Variants in OSBPL8 observed in about 807,000 individuals in gnomAD.
OSBPL8 encodes oxysterol binding protein like 8, also known as oxysterol-binding protein-related protein 8.
In OSBPL8, 59 loss-of-function variants were observed where a neutral mutation model predicts 125.5. The observed-to-expected ratio is 0.47, with a 90% CI of 0.38 to 0.58. The LOEUF is 0.58. OSBPL8 is among the 20% of genes least tolerant of loss of function. The pLI is 0.00. For synonymous variants in OSBPL8, 330 were observed against 338.9 expected, an observed-to-expected ratio of 0.97 and a Z score of 0.29; for missense variants, 758 against 1,047.8, an observed-to-expected ratio of 0.72 and a Z score of 3.82.
At chr12:76,387,419 TAAAA>T (rs1199334533) in intron 12 of OSBPL8, among the ~76,000 whole-genome samples, 1 of 152,194 alleles carries the variant, frequency 6.6e-6, no homozygotes, top group African/African-American at 2.4e-5. Context: ...CCAGAATTAA[TAAAA>T]ACTCAACCAG....
chr12:76,430,342 C>T (rs950261065), intron 4 of OSBPL8, among the ~76,000 whole-genome samples: 2 of 152,190 alleles, frequency 1.3e-5, no homozygotes, highest in African/African-American at 4.8e-5. Flanking sequence ...ACCAGCTCCA[C>T]TCCCACTCAA....
chr12:76,516,231 G>A (rs528068420), intron 1 of OSBPL8, among the ~76,000 whole-genome samples: 1 of 152,272 alleles, frequency 6.6e-6, no homozygotes, highest in East Asian at 1.9e-4. Context: ...ACTCCCATGT[G>A]AAAAGTGCCC....
In OSBPL8 at chr12:76,450,052, CA is replaced by C. The variant is rs1592703578; in HGVS notation, c.217+798del. ...TCACAACAGACTGCAGAAGCAGATA[CA>C]AAAATGCAGGTGTCTTTTAAGCTAG... On this transcript the variant is annotated intron_variant, in intron 4 of 23. Coordinates refer to ENST00000261183, the MANE Select transcript of OSBPL8 (RefSeq NM_020841.5). 2.0e-5 allele frequency among the ~76,000 whole-genome samples: 3 copies of C among 152,148 alleles called. No individual in the cohort carries two copies. The East Asian group carries it at 5.8e-4, about 29-fold the overall frequency.
At position 76,489,545 on chromosome 12, in the gene OSBPL8, C is replaced by A. The variant is rs1216748792; in HGVS notation, c.-67-1927G>T. ...GTGCACTATAAATAAAACAACAAAGCCTGTATGATAGCACATCTGTTTACA... is the reference window on the plus strand; with the variant it reads ...GTGCACTATAAATAAAACAACAAAGACTGTATGATAGCACATCTGTTTACA... On this transcript the variant is annotated intron_variant, in intron 1 of 23. Coordinates refer to ENST00000261183, the MANE Select transcript of OSBPL8 (RefSeq NM_020841.5). Among the ~76,000 whole-genome samples, 5 of 152,160 alleles carry A rather than the reference C, an allele frequency of 3.3e-5. No homozygotes were observed. The East Asian group carries it at 5.8e-4, about 18-fold the overall frequency.
intron 1 of OSBPL8, among the ~76,000 whole-genome samples, chr12:76,516,509 C>T (rs982983721): frequency 1.3e-5 from 2 of 152,074 alleles, no homozygotes; most frequent in South Asian, 2.1e-4. Flanking sequence ...CAGAGAAAAG[C>T]GTATGACCCT....
At chr12:76,479,512 T>A (rs1487176417) in intron 2 of OSBPL8, among the ~76,000 whole-genome samples, 1 of 152,136 alleles carries the variant, frequency 6.6e-6, no homozygotes, top group Non-Finnish European at 1.5e-5. Flanking sequence ...AAATAACAGA[T>A]CTAGGCAATG....
At chr12:76,384,188 A>C (rs1953189274) in intron 15 of OSBPL8, 66 bp downstream of exon 15, 1 of 931,514 alleles carries the variant, frequency 1.1e-6, no homozygotes, top group African/African-American at 1.7e-5. Context: ...GACACTGCCT[A>C]AATAAAAGCT....
chr12:76,515,880 C>T (rs764263307), intron 1 of OSBPL8, among the ~76,000 whole-genome samples: 4 of 152,152 alleles, frequency 2.6e-5, no homozygotes, highest in Non-Finnish European at 5.9e-5. Context: ...TGCTTCTAGT[C>T]AGCCATCTTG....
intron 1 of OSBPL8, among the ~76,000 whole-genome samples, chr12:76,533,109 A>T (rs1462567065): frequency 6.6e-6 from 1 of 152,248 alleles, no homozygotes; most frequent in Non-Finnish European, 1.5e-5. Context: ...GAATTTACAA[A>T]AGTAAAATCA....
intron 15 of OSBPL8, among the ~76,000 whole-genome samples, chr12:76,383,002 G>C (rs1953127920): frequency 6.6e-6 from 1 of 152,044 alleles, no homozygotes; most frequent in African/African-American, 2.4e-5. Context: ...GTTTTGAATG[G>C]TTACATGTAT....
intron 1 of OSBPL8, among the ~76,000 whole-genome samples, chr12:76,551,075 T>C (rs1040246014): frequency 1.3e-5 from 2 of 151,442 alleles, no homozygotes; most frequent in East Asian, 3.9e-4. Context: ...CAAACATATA[T>C]ATAGTATATC....
chr12:76,408,313 T>A (rs988961695), intron 5 of OSBPL8, among the ~76,000 whole-genome samples: 2 of 150,422 alleles, frequency 1.3e-5, no homozygotes, highest in Non-Finnish European at 3.0e-5. Flanking sequence ...TACAAAAAAA[T>A]TAGCCAGCTG....
At chr12:76,542,401 A>G (rs1184523492) in intron 1 of OSBPL8, among the ~76,000 whole-genome samples, 1 of 152,160 alleles carries the variant, frequency 6.6e-6, no homozygotes, top group African/African-American at 2.4e-5. Flanking sequence ...CCAGTCTAGA[A>G]CTTTCTCTTG....
At chr12:76,385,642 T>G (rs1388262047) in intron 14 of OSBPL8, among the ~76,000 whole-genome samples, 2 of 151,948 alleles carry the variant, frequency 1.3e-5, no homozygotes, top group Non-Finnish European at 2.9e-5. Flanking sequence ...GGTCAGGGTT[T>G]GTTTAGATAA....
intron 1 of OSBPL8, among the ~76,000 whole-genome samples, chr12:76,549,934 GGAAAAAAAA>G (rs1950889411): frequency 9.8e-5 from 1 of 10,246 alleles, no homozygotes; most frequent in Non-Finnish European, 2.1e-4. Flanking sequence ...AAAAAAAAAA[GGAAAAAAAA>G]ATATGTATAA....
At chr12:76,486,217 G>A in intron 2 of OSBPL8, 1 of 274,970 alleles carries the variant, frequency 3.6e-6, no homozygotes, top group Admixed American at 4.6e-5. Flanking sequence ...ATATTAGTCA[G>A]CAAAACTGCA....
chr12:76,549,162 C>T (rs1950868170), intron 1 of OSBPL8, among the ~76,000 whole-genome samples: 1 of 151,936 alleles, frequency 6.6e-6, no homozygotes, highest in African/African-American at 2.4e-5. Flanking sequence ...AAAGCAACTG[C>T]CTACTGAAAA....
chr12:76,549,250 G>A (rs1389603882), intron 1 of OSBPL8, among the ~76,000 whole-genome samples: 1 of 152,164 alleles, frequency 6.6e-6, no homozygotes, highest in Non-Finnish European at 1.5e-5. Flanking sequence ...ATCTGATTCA[G>A]ACTGTAAGAG....
chr12:76,515,544 C>T (rs771657931), intron 1 of OSBPL8, among the ~76,000 whole-genome samples: 14 of 152,288 alleles, frequency 9.2e-5, no homozygotes, highest in South Asian at 6.2e-4. Flanking sequence ...ATTGCAGCCA[C>T]GTTCCCTCTC....
Sources: gnomAD v4.1 joint callset for allele counts (sites outside exome capture counted in the v4.1 genomes callset) on GRCh38, gnomAD v4.1.1 for gene constraint, MANE v1.5 for transcripts, NCBI Gene and HGNC (gene_info 2026-07-23, HGNC 2026-07-21) for gene names.